Variants in GINS2 observed in about 807,000 individuals in gnomAD.
GINS2 encodes the protein GINS complex subunit 2.
A neutral mutation model predicts 21.2 loss-of-function variants in GINS2; 23 were observed. The observed-to-expected ratio is 1.08, with a 90% CI of 0.78 to 1.53. The LOEUF (loss-of-function observed/expected upper bound fraction) is 1.53, where lower values mean the gene tolerates loss of function less well. Among genes scored for constraint, GINS2 ranks in the 40% most tolerant of loss-of-function variants. The pLI is 0.00. For missense variants in GINS2, 323 were observed against 233.9 expected, an observed-to-expected ratio of 1.38 and a Z score of -2.49; for synonymous variants, 118 against 85.6, an observed-to-expected ratio of 1.38 and a Z score of -2.09.
rs2053803846 is a variant in GINS2, at chr16:85,688,881, G to A, written c.18C>T (p.Val6=). MDAAE[V]EFLAEKELVT... is the part of the protein sequence containing the mutation. ...CCAGCTCCTTCTCGGCGAGGAATTC[G>A]ACCTCGGCAGCGTCCATGGCGGCGC... The change falls in exon 1 of 5, where the codon GTC becomes GTT. Residue 6 remains valine, a synonymous_variant. Transcript: ENST00000253462. 5 of 1,539,892 alleles carry A rather than the reference G, an allele frequency of 3.2e-6. No homozygotes were observed. The South Asian group carries it at 3.6e-5, about 11-fold the overall frequency.
At chr16:85,680,301 C>G (rs1377169522) in intron 3 of GINS2, among the ~76,000 whole-genome samples, 1 of 152,228 alleles carries the variant, frequency 6.6e-6, no homozygotes, top group Non-Finnish European at 1.5e-5. Context: ...CCAACTTTTC[C>G]TTTAAATTCA....
rs537341756 is a variant in GINS2 at position 85,682,600 on chromosome 16, C to A, written c.206-919G>T. Among the ~76,000 whole-genome samples the A allele has an allele frequency of 2.1e-3, 318 of 150,084 alleles. 4 individuals are homozygous for A. The highest frequency in any genetic ancestry group is 7.6e-3 in the African/African-American group (309 of 40,720). ...GGGTTAAGCCACCCCAGCCTGGGCACGATACAATATCCTAGAGGGCTAAGC... is the reference window on the plus strand; with the variant it reads ...GGGTTAAGCCACCCCAGCCTGGGCAAGATACAATATCCTAGAGGGCTAAGC... On this transcript the variant is annotated intron_variant, in intron 2 of 4. Coordinates refer to ENST00000253462, the MANE Select transcript of GINS2 (RefSeq NM_016095.3).
chr16:85,687,499 G>A lies in GINS2; in HGVS notation c.166C>T (p.Gln56Ter), dbSNP rs1050439717. The change falls in exon 2 of 5, where the codon CAG becomes TAG. Residue 56 changes from glutamine (Q) to a stop codon, truncating the protein, a stop_gained. Transcript: ENST00000253462. LOFTEE classifies it high-confidence loss of function. Reference sequence around the variant, plus strand: ...TCTGGAGGGAGCAGGCGACATTTCTGTCTTTGTTTCAGGTTAATCGCCAGC... The same window carrying A: ...TCTGGAGGGAGCAGGCGACATTTCTATCTTTGTTTCAGGTTAATCGCCAGC... ...LWLAINLKQR[Q>*]KCRLLPPEWM... The A allele has an allele frequency of 1.3e-6, 2 of 1,595,958 alleles. No homozygotes were observed. The highest frequency in any genetic ancestry group is 2.3e-5 in the South Asian group (2 of 88,346).
At chr16:85,679,284 C>T (rs1336072962) in intron 3 of GINS2, among the ~76,000 whole-genome samples, 1 of 152,212 alleles carries the variant, frequency 6.6e-6, no homozygotes, top group Non-Finnish European at 1.5e-5. Flanking sequence ...AGCACACCTA[C>T]ACATAGCAAA....
intron 3 of GINS2, among the ~76,000 whole-genome samples, chr16:85,681,196 G>C (rs2053729257): frequency 6.6e-6 from 1 of 152,254 alleles, no homozygotes. Context: ...CAGGAGTAAA[G>C]CTGTGCTAAA....
chr16:85,680,852 G>A (rs1434649092), intron 3 of GINS2, among the ~76,000 whole-genome samples: 1 of 152,234 alleles, frequency 6.6e-6, no homozygotes, highest in African/African-American at 2.4e-5. Context: ...GAAAAGAGCT[G>A]TAGAGAGGGT....
intron 2 of GINS2, among the ~76,000 whole-genome samples, chr16:85,685,136 G>A (rs2053763942): frequency 1.3e-5 from 2 of 152,170 alleles, no homozygotes; most frequent in Admixed American, 6.6e-5. Flanking sequence ...GAGGCAGCAG[G>A]CTGTTGGGTA....
intron 3 of GINS2, 91 bp from the exon 4 acceptor site, chr16:85,678,757 G>A: frequency 8.2e-7 from 1 of 1,225,560 alleles, no homozygotes; most frequent in Non-Finnish European, 1.2e-6. Flanking sequence ...AAAATACCGT[G>A]GCTATTCCAG....
At chr16:85,685,275 A>T (rs111996022) in intron 2 of GINS2, among the ~76,000 whole-genome samples, 3,033 of 152,328 alleles carry the variant, frequency 0.02, 84 homozygotes, top group Admixed American at 0.068. Flanking sequence ...TTGCCATGTT[A>T]TCACCTGGGG....
intron 3 of GINS2, among the ~76,000 whole-genome samples, chr16:85,680,684 T>A (rs2053724282): frequency 6.6e-6 from 1 of 151,976 alleles, no homozygotes; most frequent in South Asian, 2.1e-4. Context: ...CAAGAGTACA[T>A]GTGTGCTGAA....
Position 85,677,488 on chromosome 16 carries a change from C to G in GINS2, c.*724G>C, listed in dbSNP as rs1043283036. The G allele has an allele frequency of 3.3e-5, 5 of 152,192 alleles. No homozygotes were observed. The highest frequency in any genetic ancestry group is 1.2e-4 in the African/African-American group (5 of 41,444). The allele number at this position is 152,192 out of a possible 1,614,324, so 9.4% of individuals were successfully genotyped here. Reference sequence around the variant, plus strand: ...TTGGATTCGTTTTTTTCCTGACTCTCCTCTTGATAAGCAACCCATTAAACC... The same window carrying G: ...TTGGATTCGTTTTTTTCCTGACTCTGCTCTTGATAAGCAACCCATTAAACC... On this transcript the variant is annotated 3_prime_UTR_variant, in exon 5 of 5. Coordinates refer to ENST00000253462, the MANE Select transcript of GINS2 (RefSeq NM_016095.3).
At chr16:85,683,107 C>G (rs2053747946) in intron 2 of GINS2, among the ~76,000 whole-genome samples, 1 of 152,046 alleles carries the variant, frequency 6.6e-6, no homozygotes, top group Non-Finnish European at 1.5e-5. Flanking sequence ...CAGCAGCTCT[C>G]ATGCTCTTAA....
intron 3 of GINS2, among the ~76,000 whole-genome samples, chr16:85,679,560 G>A (rs1304784842): frequency 6.6e-6 from 1 of 152,152 alleles, no homozygotes; most frequent in Non-Finnish European, 1.5e-5. Flanking sequence ...TTTAGATCTT[G>A]TGCTCTCAAC....
In GINS2 at chr16:85,678,255, G is replaced by A. The variant is rs192318511; in HGVS notation, c.515C>T (p.Thr172Met). 1.9e-5 allele frequency: 31 copies of A among 1,613,332 alleles called. No individual in the cohort carries two copies. In the Admixed American group the frequency reaches 2.5e-4, roughly 13 times the overall value. Residue 172 changes from threonine (T) to methionine (M), a missense_variant, in exon 5 of 5, where the codon ACG (threonine) becomes ATG (methionine). Physicochemically the swap from Thr to Met is moderately conservative, Grantham distance 81 (BLOSUM62 -1). Coordinates refer to ENST00000253462, the MANE Select transcript of GINS2 (RefSeq NM_016095.3). Reference sequence around the variant, plus strand: ...AGTACTCTCCAGAGGCTGGAGGTTCGTGCGGAGTTTGTACATGTGGTTGAG... The same window carrying A: ...AGTACTCTCCAGAGGCTGGAGGTTCATGCGGAGTTTGTACATGTGGTTGAG... ...QALNHMYKLR[T>M]NLQPLESTQS...
intron 1 of GINS2, 105 bp downstream of exon 1, chr16:85,688,704 G>C: frequency 1.9e-6 from 1 of 521,580 alleles, no homozygotes; most frequent in South Asian, 3.2e-5. Flanking sequence ...GGCCTCCGCA[G>C]ATGCGGGAGC....
chr16:85,678,072 A>T lies in GINS2; in HGVS notation c.*140T>A. 1 of 743,052 alleles carries T rather than the reference A, an allele frequency of 1.3e-6. No homozygotes were observed. Among genetic ancestry groups the T allele is most frequent in the Non-Finnish European group, 2.2e-6 (1 of 446,000 alleles). 46.0% of individuals were successfully genotyped at this position (743,052 alleles called of 1,614,324 possible). On this transcript the variant is annotated 3_prime_UTR_variant, in exon 5 of 5. Coordinates refer to ENST00000253462, the MANE Select transcript of GINS2 (RefSeq NM_016095.3). Reference sequence around the variant, plus strand: ...GACTAATCACAAACTTGTTTCTCCAACAACATCCTGAATCCATTCCTTGCA... The same window carrying T: ...GACTAATCACAAACTTGTTTCTCCATCAACATCCTGAATCCATTCCTTGCA...
At chr16:85,679,819 C>T (rs1206368473) in intron 3 of GINS2, among the ~76,000 whole-genome samples, 1 of 152,226 alleles carries the variant, frequency 6.6e-6, no homozygotes, top group Non-Finnish European at 1.5e-5. Flanking sequence ...CAGTCTCTCT[C>T]AGGTCCCTCT....
In GINS2 at chr16:85,680,160, G is replaced by A. The variant is rs1264687716; in HGVS notation, c.305+1422C>T. 4.6e-5 allele frequency among the ~76,000 whole-genome samples: 7 copies of A among 152,306 alleles called. No individual in the cohort carries two copies. In the East Asian group the frequency reaches 9.6e-4, roughly 21 times the overall value. The stretch of plus-strand genomic sequence containing the variant: ...CCACATCTCTCCCGCACCACACCAG[G>A]AAGCAGGCCTATGGGACAAACGCCA... On this transcript the variant is annotated intron_variant, in intron 3 of 4. Coordinates refer to ENST00000253462, the MANE Select transcript of GINS2 (RefSeq NM_016095.3).
chr16:85,686,480 C>A (rs2053778774), intron 2 of GINS2, among the ~76,000 whole-genome samples: 1 of 151,782 alleles, frequency 6.6e-6, no homozygotes, highest in Non-Finnish European at 1.5e-5. Context: ...ACAAAGTGTA[C>A]AAGTCAATGG....
Sources: allele counts gnomAD v4.1 joint callset (sites outside exome capture counted in the v4.1 genomes callset), GRCh38; gene constraint gnomAD v4.1.1; transcripts MANE v1.5; gene names NCBI Gene and HGNC (gene_info 2026-07-23, HGNC 2026-07-21).